The following CHD9 variants were observed in gnomAD, a reference collection of about 807,000 sequenced individuals.
CHD9 encodes ATP-dependent chromatin remodeler CHD9.
CHD9 carries 77 observed loss-of-function variants against 316.1 expected under a neutral mutation model. That is an observed-to-expected ratio of 0.24 (90% CI 0.20 to 0.29). CHD9 has a LOEUF of 0.29. CHD9 is among the 10% of genes least tolerant of loss of function. The probability of loss-of-function intolerance (pLI) is 1.00; values close to 1 mark genes in which losing one functional copy is unlikely to be tolerated. For missense variants in CHD9, 2,763 were observed against 3,438.1 expected (o/e 0.80, Z 4.91); for synonymous variants, 1,129 against 1,158.3 (o/e 0.97, Z 0.51).
At chr16:53,146,415 G>GTGTATATATATATATATATATATATA (rs1224485632) in intron 1 of CHD9, among the ~76,000 whole-genome samples, 7 of 64,414 alleles carry the variant, frequency 1.1e-4, no homozygotes, top group African/African-American at 1.4e-4. Flanking sequence ...GTGTGTGTGT[G>GTGTATATATATATATATATATATATA]TATGTATATA....
At chr16:53,062,186 C>G (rs2032986223) in intron 1 of CHD9, among the ~76,000 whole-genome samples, 1 of 152,176 alleles carries the variant, frequency 6.6e-6, no homozygotes, top group Non-Finnish European at 1.5e-5. Flanking sequence ...TTGATTGTCT[C>G]CTCTTTCATT....
chr16:53,195,219 C>T (rs2044798336), intron 2 of CHD9, among the ~76,000 whole-genome samples: 1 of 152,178 alleles, frequency 6.6e-6, no homozygotes, highest in South Asian at 2.1e-4. Context: ...TAAAAGCTTG[C>T]TACTAGTCAC....
intron 2 of CHD9, among the ~76,000 whole-genome samples, chr16:53,168,038 A>G (rs62048023): frequency 0.28 from 42,302 of 151,890 alleles, 5,992 homozygotes; most frequent in Middle Eastern, 0.32. Context: ...AGAAATAGTA[A>G]TAACATTTGC....
chr16:53,125,724 C>T (rs531370649), intron 1 of CHD9, among the ~76,000 whole-genome samples: 4 of 152,316 alleles, frequency 2.6e-5, no homozygotes, highest in South Asian at 2.1e-4. Context: ...TGATGGACTG[C>T]GTTGCCAGAT....
At chr16:53,131,396 G>T in intron 1 of CHD9, 1 of 145,714 alleles carries the variant, frequency 6.9e-6, no homozygotes, top group South Asian at 1.8e-4. Context: ...CTGAGGTGAG[G>T]GATCCGGTCC....
rs1057268966 is a variant in CHD9, at chr16:53,056,635, C to T, written c.-165+1558C>T. On this transcript the variant is annotated intron_variant, in intron 1 of 38. Coordinates refer to ENST00000447540, the MANE Select transcript of CHD9 (RefSeq NM_001308319.2). ...CCCTTGTTGACCAGGACAGCGTGCA[C>T]GGGGCAGGCGCGTGGTGTGTCTTCA... Among the ~76,000 whole-genome samples the T allele has an allele frequency of 4.6e-5, 7 of 152,212 alleles. No homozygotes were observed. The South Asian group carries it at 1.2e-3, about 27-fold the overall frequency.
At chr16:53,082,216 A>C (rs1343776708) in intron 1 of CHD9, among the ~76,000 whole-genome samples, 7 of 149,332 alleles carry the variant, frequency 4.7e-5, no homozygotes, top group African/African-American at 1.7e-4. Context: ...TTATTTATTT[A>C]TTTATTTATT....
intron 1 of CHD9, among the ~76,000 whole-genome samples, chr16:53,088,304 G>A (rs1236461888): frequency 7.3e-6 from 1 of 136,422 alleles, no homozygotes; most frequent in Admixed American, 7.7e-5. Context: ...TTGAGATGGA[G>A]TCTCGTTCTG....
intron 2 of CHD9, among the ~76,000 whole-genome samples, chr16:53,199,397 A>G (rs1003144675): frequency 3.9e-5 from 6 of 152,098 alleles, no homozygotes; most frequent in African/African-American, 1.4e-4. Context: ...ATAGACAAAC[A>G]TGTATATATA....
At chr16:53,129,909 G>A (rs2039142775) in intron 1 of CHD9, among the ~76,000 whole-genome samples, 1 of 152,160 alleles carries the variant, frequency 6.6e-6, no homozygotes, top group Non-Finnish European at 1.5e-5. Flanking sequence ...CAAGGCCCTA[G>A]GACACGCTAG....
intron 13 of CHD9, among the ~76,000 whole-genome samples, chr16:53,243,219 CT>C (rs1165676397): frequency 1.3e-5 from 2 of 151,988 alleles, no homozygotes; most frequent in Non-Finnish European, 2.9e-5. Flanking sequence ...TTTTTTAGCT[CT>C]TTCCTTCAAA....
chr16:53,120,076 T>A (rs1295764141), intron 1 of CHD9, among the ~76,000 whole-genome samples: 3 of 145,074 alleles, frequency 2.1e-5, no homozygotes, highest in African/African-American at 5.0e-5. Flanking sequence ...AAAAAAAAAA[T>A]TAAAAAATTA....
At chr16:53,280,190 G>T (rs1016253818) in intron 24 of CHD9, among the ~76,000 whole-genome samples, 1 of 152,034 alleles carries the variant, frequency 6.6e-6, no homozygotes, top group South Asian at 2.1e-4. Context: ...CAGAGGAAAA[G>T]AAGTCATTAT....
chr16:53,121,971 G>A (rs1025353515), intron 1 of CHD9: 2 of 152,182 alleles, frequency 1.3e-5, no homozygotes, highest in Non-Finnish European at 2.9e-5. Flanking sequence ...CTATTCATTA[G>A]TGCTGAGAGA....
intron 3 of CHD9, among the ~76,000 whole-genome samples, chr16:53,214,700 A>G (rs968182151): frequency 2.0e-5 from 3 of 152,184 alleles, no homozygotes; most frequent in African/African-American, 4.8e-5. Flanking sequence ...ATTTTTAAGA[A>G]TGGTACCTTT....
chr16:53,157,364 A>C lies in CHD9; in HGVS notation c.1275A>C (p.Gln425His). The C allele has an allele frequency of 6.2e-7, 1 of 1,613,990 alleles. No individual in the cohort carries two copies. Among genetic ancestry groups the C allele is most frequent in the South Asian group, 1.1e-5 (1 of 91,080 alleles). ...LPHFDESTFG[Q>H]DNSSHILDHD... ...ACTTTGATGAGTCAACATTCGGACA[A>C]GATAATTCAAGTCACATTTTAGATC... Residue 425 changes from glutamine (Q) to histidine (H), a missense_variant, in exon 2 of 39, where the codon CAA (glutamine) becomes CAC (histidine). By Grantham distance (24) the Gln-to-His change is conservative (BLOSUM62 0). This residue lies in a region of CHD9 where 859 missense variants were observed against 890.4 expected (regional missense o/e 0.96). Coordinates refer to ENST00000447540, the MANE Select transcript of CHD9 (RefSeq NM_001308319.2).
chr16:53,248,449 G>C (rs1450183084), intron 16 of CHD9, among the ~76,000 whole-genome samples: 1 of 150,812 alleles, frequency 6.6e-6, no homozygotes. Context: ...TAATGTAAAA[G>C]AGAATCAGAA....
In CHD9 at chr16:53,097,848, C is replaced by T. The variant is rs186817747; in HGVS notation, c.-165+42771C>T. Among the ~76,000 whole-genome samples the T allele has an allele frequency of 8.0e-4, 122 of 152,310 alleles. 1 individual carries two copies. In the Middle Eastern group the frequency reaches 0.027, roughly 34 times the overall value. ...AAAAATTTTGGAACCAGGCTGGGTGCGGTGGCTCACACTGTAATCCCAGCA... is the reference window on the plus strand; with the variant it reads ...AAAAATTTTGGAACCAGGCTGGGTGTGGTGGCTCACACTGTAATCCCAGCA... On this transcript the variant is annotated intron_variant, in intron 1 of 38. Transcript: ENST00000447540.
intron 1 of CHD9, among the ~76,000 whole-genome samples, chr16:53,116,700 T>C (rs1484808990): frequency 6.6e-6 from 1 of 152,160 alleles, no homozygotes; most frequent in Non-Finnish European, 1.5e-5. Flanking sequence ...GAAATACCAT[T>C]TGACCCAGTA....
Sources: allele counts gnomAD v4.1 joint callset (sites outside exome capture counted in the v4.1 genomes callset), GRCh38; gene constraint gnomAD v4.1.1; regional missense constraint gnomAD v4.1.1; transcripts MANE v1.5; gene names NCBI Gene and HGNC (gene_info 2026-07-23, HGNC 2026-07-21).